Variants in FRAS1 observed in about 807,000 individuals in gnomAD.
FRAS1 encodes Fraser extracellular matrix complex subunit 1.
A neutral mutation model predicts 435.2 loss-of-function variants in FRAS1; 290 were observed. The ratio of observed to expected loss-of-function variants is 0.67; its 90% CI spans 0.61 to 0.73. The LOEUF (loss-of-function observed/expected upper bound fraction) is 0.73. Ranked by LOEUF, FRAS1 falls within the 30% of genes least tolerant of loss-of-function variation. FRAS1 has a pLI of 0.00. For missense variants in FRAS1, 4,860 were observed against 5,001.5 expected (o/e 0.97, Z 0.85); for synonymous variants, 1,800 against 1,851.0 (o/e 0.97, Z 0.71).
At chr4:78,179,228 C>T (rs1721900826) in intron 2 of FRAS1, among the ~76,000 whole-genome samples, 2 of 152,212 alleles carry the variant, frequency 1.3e-5, no homozygotes, top group African/African-American at 4.8e-5. Flanking sequence ...ATTGTTCTCA[C>T]CGACTGGAAG....
intron 64 of FRAS1, among the ~76,000 whole-genome samples, chr4:78,512,989 C>A (rs920878705): frequency 6.6e-6 from 1 of 152,188 alleles, no homozygotes; most frequent in South Asian, 2.1e-4. Flanking sequence ...TGAGTGTCAA[C>A]CTTACCTAAC....
chr4:78,500,928 T>G (rs1479333539), intron 61 of FRAS1, among the ~76,000 whole-genome samples: 2 of 152,138 alleles, frequency 1.3e-5, no homozygotes, highest in Non-Finnish European at 2.9e-5. Context: ...AATGAGGTAT[T>G]TGCACCTTCA....
At chr4:78,519,240 G>A (rs1721310260) in intron 66 of FRAS1, 91 bp from the exon 67 acceptor site, 1 of 1,117,356 alleles carries the variant, frequency 8.9e-7, no homozygotes. Context: ...TGACTACATG[G>A]GTGAATGAAA....
chr4:78,410,856 T>G (rs1172857240), intron 31 of FRAS1, among the ~76,000 whole-genome samples: 2 of 152,214 alleles, frequency 1.3e-5, no homozygotes, highest in Non-Finnish European at 2.9e-5. Context: ...TGGGATTATG[T>G]TCTCCTGATG....
In FRAS1 at chr4:78,400,845, G is replaced by A. The variant is rs1365047567; in HGVS notation, c.4087G>A (p.Glu1363Lys). 1.2e-6 allele frequency: 2 copies of A among 1,613,694 alleles called. No individual in the cohort carries two copies. Among genetic ancestry groups the A allele is most frequent in the South Asian group, 2.2e-5 (2 of 91,016 alleles). The part of the protein sequence containing the change: ...LQAEAPGASA[E>K]EIIYKITQDY... ...GGCCGAGGCTCCTGGTGCCAGTGCTGAAGAAATCATCTACAAGATTACACA... is the reference window on the plus strand; with the variant it reads ...GGCCGAGGCTCCTGGTGCCAGTGCTAAAGAAATCATCTACAAGATTACACA... The change falls in exon 30 of 74, where the codon GAA (glutamate) becomes AAA (lysine). Residue 1363 changes from glutamate to lysine, a missense_variant. Glu to Lys is a moderately conservative substitution (Grantham distance 56). Coordinates refer to ENST00000512123, the MANE Select transcript of FRAS1 (RefSeq NM_025074.7).
At chr4:78,336,927 C>T (rs386832) in intron 19 of FRAS1, among the ~76,000 whole-genome samples, 17,845 of 152,224 alleles carry the variant, frequency 0.12, 2,414 homozygotes, top group African/African-American at 0.33. Context: ...GCAGCCGCCT[C>T]TGATTCTTTG....
At position 78,377,964 on chromosome 4, in the gene FRAS1, A is replaced by G. The variant is rs185855276; in HGVS notation, c.3293-1762A>G. On this transcript the variant is annotated intron_variant, in intron 26 of 73. Transcript: ENST00000512123. ...TAAAATTCATGCTTTAAAGTATACA[A>G]TTCAGTGGTTTTTAGTGTATTCACA... Among the ~76,000 whole-genome samples, 50 of 152,228 alleles carry G rather than the reference A, an allele frequency of 3.3e-4. 1 individual carries two copies. Among genetic ancestry groups the G allele is most frequent in the African/African-American group, 9.6e-4 (40 of 41,490 alleles).
intron 14 of FRAS1, among the ~76,000 whole-genome samples, chr4:78,303,257 G>T (rs1215838017): frequency 6.6e-6 from 1 of 152,096 alleles, no homozygotes; most frequent in Non-Finnish European, 1.5e-5. Context: ...TTTGGTTACT[G>T]TAGCCTTGTA....
chr4:78,513,653 C>A, intron 65 of FRAS1, 101 bp downstream of exon 65: 1 of 1,084,862 alleles, frequency 9.2e-7, no homozygotes, highest in Non-Finnish European at 1.4e-6. Flanking sequence ...TTTTCTGGTC[C>A]TCAGAATCCA....
chr4:78,237,266 A>G (rs1461564208), intron 2 of FRAS1, among the ~76,000 whole-genome samples: 2 of 152,164 alleles, frequency 1.3e-5, no homozygotes, highest in Non-Finnish European at 2.9e-5. Flanking sequence ...TACTCTGGGT[A>G]TTGACAGCTC....
chr4:78,235,078 G>C (rs927059732), intron 2 of FRAS1, among the ~76,000 whole-genome samples: 1 of 152,162 alleles, frequency 6.6e-6, no homozygotes, highest in African/African-American at 2.4e-5. Flanking sequence ...TAGTCTTGAG[G>C]CTGAATTCCC....
chr4:78,291,325 C>A (rs1727887183), intron 14 of FRAS1, among the ~76,000 whole-genome samples: 1 of 152,162 alleles, frequency 6.6e-6, no homozygotes. Flanking sequence ...CAGCTCAGAT[C>A]ATCAGGCATT....
intron 2 of FRAS1, among the ~76,000 whole-genome samples, chr4:78,191,730 C>T (rs1722544703): frequency 6.6e-6 from 1 of 151,854 alleles, no homozygotes; most frequent in Admixed American, 6.6e-5. Context: ...TGTGATGTTC[C>T]CCTTCCTGTG....
At chr4:78,156,691 C>T (rs1217024863) in intron 2 of FRAS1, among the ~76,000 whole-genome samples, 2 of 152,144 alleles carry the variant, frequency 1.3e-5, no homozygotes, top group South Asian at 2.1e-4. Flanking sequence ...TGGGGCCTTT[C>T]AGATGACTGA....
intron 5 of FRAS1, among the ~76,000 whole-genome samples, chr4:78,252,815 C>T (rs554098378): frequency 4.6e-5 from 7 of 151,996 alleles, no homozygotes; most frequent in Admixed American, 1.3e-4. Flanking sequence ...AGGGGGTGTA[C>T]GAACAGGGAG....
chr4:78,113,651 C>T (rs1742900275), intron 2 of FRAS1, among the ~76,000 whole-genome samples: 1 of 152,150 alleles, frequency 6.6e-6, no homozygotes, highest in Non-Finnish European at 1.5e-5. Context: ...TGTTCATATC[C>T]TTTGCCCACT....
chr4:78,381,501 G>C (rs371222612), intron 27 of FRAS1, among the ~76,000 whole-genome samples: 1 of 152,112 alleles, frequency 6.6e-6, no homozygotes, highest in Non-Finnish European at 1.5e-5. Context: ...TATTTGCCAG[G>C]CTGGTCTCGA....
At chr4:78,229,282 C>T (rs1404583356) in intron 2 of FRAS1, among the ~76,000 whole-genome samples, 1 of 151,202 alleles carries the variant, frequency 6.6e-6, no homozygotes, top group Non-Finnish European at 1.5e-5. Context: ...GAATTTGGGA[C>T]CCAGAGGTGC....
chr4:78,124,386 T>A (rs1386229493), intron 2 of FRAS1, among the ~76,000 whole-genome samples: 2 of 152,252 alleles, frequency 1.3e-5, no homozygotes, highest in Non-Finnish European at 2.9e-5. Flanking sequence ...AGTATTTTAT[T>A]GACAATTTTT....
Sources: gnomAD v4.1 joint callset for allele counts (sites outside exome capture counted in the v4.1 genomes callset) on GRCh38, gnomAD v4.1.1 for gene constraint, MANE v1.5 for transcripts, NCBI Gene and HGNC (gene_info 2026-07-23, HGNC 2026-07-21) for gene names.